The following ESRP2 variants were observed in gnomAD, a reference collection of about 807,000 sequenced individuals.
The protein encoded by ESRP2 is epithelial splicing regulatory protein 2.
Under a neutral mutation model 78.6 loss-of-function variants are expected in ESRP2, and 48 were observed. The ratio of observed to expected loss-of-function variants is 0.61; its 90% CI spans 0.48 to 0.78. ESRP2 has a LOEUF of 0.78. Ranked by LOEUF, ESRP2 falls within the 30% of genes least tolerant of loss-of-function variation. ESRP2 has a pLI of 0.00. For synonymous variants in ESRP2, 383 were observed against 406.7 expected (o/e 0.94, Z 0.70); for missense variants, 863 against 965.9 (o/e 0.89, Z 1.41).
chr16:68,235,955 C>G lies in ESRP2; in HGVS notation c.91G>C (p.Val31Leu). ...CCCGCCGTAGCCCCGAAGAGGACGA[C>G]CAGTGATCCGGGCCAGGGGCAGGGG... ...ADPCPWPGSL[V>L]VLFGATAGAL... Residue 31 changes from valine to leucine, a missense_variant, in exon 1 of 15, where the codon GTC becomes CTC. Val to Leu is a conservative substitution (Grantham distance 32). Coordinates refer to ENST00000473183, the MANE Select transcript of ESRP2 (RefSeq NM_024939.3). This position sits in a 1 kb window ranked among gnomAD's most constrained non-coding sequence, Gnocchi z 5.5. The G allele has an allele frequency of 6.2e-7, 1 of 1,610,806 alleles. No homozygotes were observed. Among genetic ancestry groups the G allele is most frequent in the Non-Finnish European group, 8.5e-7 (1 of 1,179,244 alleles).
intron 4 of ESRP2, 44 bp downstream of exon 4, chr16:68,233,723 AC>A (rs1302800801): frequency 7.1e-7 from 1 of 1,404,234 alleles, no homozygotes; most frequent in African/African-American, 1.4e-5. Flanking sequence ...AGACACATGT[AC>A]CCACAGTGGC....
Position 68,233,846 on chromosome 16 carries a change from C to G in ESRP2, c.478G>C (p.Asp160His), listed in dbSNP as rs1333022820. The change falls in exon 4 of 15, where the codon GAC (aspartate) becomes CAC (histidine). Residue 160 changes from aspartate to histidine, a missense_variant. Coordinates refer to ENST00000473183, the MANE Select transcript of ESRP2 (RefSeq NM_024939.3). ...VLPDMFFSFY[D>H]LRREFHMQHP... ...TGCATATGGAATTCTCTTCGGAGGT[C>G]ATAGAAGGAGAAGAACATGTCGGGG... 1 of 1,613,986 alleles carries G rather than the reference C, an allele frequency of 6.2e-7. No homozygotes were observed. Among genetic ancestry groups the G allele is most frequent in the Non-Finnish European group, 8.5e-7 (1 of 1,180,036 alleles).
Position 68,231,426 on chromosome 16 carries a change from C to T in ESRP2, c.1513-50G>A, listed in dbSNP as rs773515948. The T allele has an allele frequency of 5.0e-6, 8 of 1,613,360 alleles. No individual in the cohort carries two copies. In the African/African-American group the frequency reaches 1.1e-4, roughly 22 times the overall value. On this transcript the variant is annotated intron_variant, in intron 11 of 14. Coordinates refer to ENST00000473183, the MANE Select transcript of ESRP2 (RefSeq NM_024939.3). The surrounding 1 kb of genome is among the most constrained non-coding windows in gnomAD (Gnocchi z 6.0). Reference sequence around the variant, plus strand: ...TTTGTCATGTGTAAGAGTGCCTTACCCCTAACACACACCCCTTCCTATTTA... The same window carrying T: ...TTTGTCATGTGTAAGAGTGCCTTACTCCTAACACACACCCCTTCCTATTTA...
In ESRP2 at chr16:68,233,060, A is replaced by G. The variant is rs1273471072; in HGVS notation, c.656-245T>C. ...CTAAAAATACAAAAATTAGGTGGGC[A>G]TGGTGGCAGGCGCCTATAATCCCAG... On this transcript the variant is annotated intron_variant, in intron 5 of 14. Coordinates refer to ENST00000473183, the MANE Select transcript of ESRP2 (RefSeq NM_024939.3). The G allele has an allele frequency of 8.1e-6, 5 of 620,426 alleles. No homozygotes were observed. The East Asian group carries it at 1.4e-4, about 17-fold the overall frequency. The allele number at this position is 620,426 out of a possible 1,614,324, so 38.4% of individuals were successfully genotyped here. A position where few individuals can be genotyped will look rare whatever the true frequency, so the allele number is the denominator to read the frequency against.
chr16:68,230,340 G>C, intron 14 of ESRP2, 25 bp from the exon 15 acceptor site: 1 of 1,614,176 alleles, frequency 6.2e-7, no homozygotes, highest in South Asian at 1.1e-5. Context: ...CAGATTTAGG[G>C]CAGAGAGCTC....
At chr16:68,230,694 T>A (rs2042119385) in intron 13 of ESRP2, 140 bp from the exon 14 acceptor site, 1 of 1,417,938 alleles carries the variant, frequency 7.1e-7, no homozygotes, top group Non-Finnish European at 9.6e-7. Context: ...TCATTTTCGA[T>A]CTGTTTTGTA....
intron 2 of ESRP2, 165 bp from the exon 3 acceptor site, chr16:68,234,272 C>A: frequency 1.7e-6 from 1 of 605,986 alleles, no homozygotes; most frequent in Non-Finnish European, 2.9e-6. Flanking sequence ...AGCCCTATGT[C>A]CCTTCCCCTC....
Position 68,235,991 on chromosome 16 carries a change from G to C in ESRP2, c.55C>G (p.Pro19Ala). The C allele has an allele frequency of 1.3e-6, 2 of 1,575,746 alleles. No homozygotes were observed. Among genetic ancestry groups the C allele is most frequent in the Non-Finnish European group, 1.7e-6 (2 of 1,163,762 alleles). The change falls in exon 1 of 15, where the codon CCC (proline) becomes GCC (alanine). Residue 19 changes from proline to alanine, a missense_variant. Physicochemically the swap from Pro to Ala is conservative, Grantham distance 27. Coordinates refer to ENST00000473183, the MANE Select transcript of ESRP2 (RefSeq NM_024939.3). The surrounding 1 kb of genome is among the most constrained non-coding windows in gnomAD (Gnocchi z 5.5). ...PPPGPDPAAD[P>A]AADPCPWPGS... ...GGCCAGGGGCAGGGGTCCGCGGCGG[G>C]GTCGGCCGCGGGGTCAGGGCCCGGG...
chr16:68,233,072 G>A lies in ESRP2; in HGVS notation c.655+255C>T, dbSNP rs189941698. 2.6e-3 allele frequency: 1,584 copies of A among 615,026 alleles called. 2 individuals are homozygous for A. Among genetic ancestry groups the A allele is most frequent in the Non-Finnish European group, 3.4e-3 (1,190 of 351,856 alleles). The allele number at this position is 615,026 out of a possible 1,614,324, so 38.1% of individuals were successfully genotyped here. On this transcript the variant is annotated intron_variant, in intron 5 of 14. Coordinates refer to ENST00000473183, the MANE Select transcript of ESRP2 (RefSeq NM_024939.3). ...AAATTAGGTGGGCATGGTGGCAGGC[G>A]CCTATAATCCCAGCTACTCTGGAGG...
chr16:68,231,341 T>A lies in ESRP2; in HGVS notation c.1548A>T (p.Thr516=), dbSNP rs758229055. The A allele has an allele frequency of 3.7e-6, 6 of 1,614,138 alleles. No individual in the cohort carries two copies. In the Admixed American group the frequency reaches 1.0e-4, roughly 27 times the overall value. The change falls in exon 12 of 15, where the codon ACA becomes ACT. Residue 516 remains threonine (T), a synonymous_variant. Coordinates refer to ENST00000473183, the MANE Select transcript of ESRP2 (RefSeq NM_024939.3). The surrounding 1 kb of genome is among the most constrained non-coding windows in gnomAD (Gnocchi z 6.0). The part of the protein sequence containing the change: ...RPSGDAFIQM[T]SAERALAAAQ... ...CAGCAGCTAGGGCTCGCTCTGCTGA[T>A]GTCATCTGAATGAAGGCATCGCCCG...
In ESRP2 at chr16:68,232,478, C is replaced by T. The variant is rs867849364; in HGVS notation, c.847G>A (p.Ala283Thr). 22 of 1,614,152 alleles carry T rather than the reference C, an allele frequency of 1.4e-5. No homozygotes were observed. The highest frequency in any genetic ancestry group is 8.0e-5 in the African/African-American group (6 of 75,060). ...ARGGVALCLN[A>T]QGRRNGEALI... is the part of the protein sequence containing the mutation. ...GCCTCGCCATTTCTGCGGCCCTGGG[C>T]GTTGAGGCAGAGTGCTACACCACCC... The change falls in exon 8 of 15, where the codon GCC (alanine) becomes ACC (threonine). Residue 283 changes from alanine to threonine, a missense_variant. Ala to Thr is a moderately conservative substitution (Grantham distance 58, BLOSUM62 0). Transcript: ENST00000473183. The surrounding 1 kb of genome is among the most constrained non-coding windows in gnomAD (Gnocchi z 5.2).
chr16:68,232,131 C>A lies in ESRP2; in HGVS notation c.998-28G>T, dbSNP rs766807511. The stretch of plus-strand genomic sequence containing the variant: ...GTGTATGAGAGTCGCCTGCTGACTT[C>A]ACTCATGCTCCTCCAGACACTCACC... On this transcript the variant is annotated intron_variant, in intron 9 of 14. Coordinates refer to ENST00000473183, the MANE Select transcript of ESRP2 (RefSeq NM_024939.3). This position sits in a 1 kb window ranked among gnomAD's most constrained non-coding sequence, Gnocchi z 5.2. 6 of 1,609,822 alleles carry A rather than the reference C, an allele frequency of 3.7e-6. No homozygotes were observed. The highest frequency in any genetic ancestry group is 5.1e-6 in the Non-Finnish European group (6 of 1,177,086).
Position 68,229,942 on chromosome 16 carries a change from T to C in ESRP2, c.*284A>G. ...GGCATGGGCCACAGCCAGGACAGACTTAAGGGCTCTCCAGGTGCCAGTCAA... is the reference window on the plus strand; with the variant it reads ...GGCATGGGCCACAGCCAGGACAGACCTAAGGGCTCTCCAGGTGCCAGTCAA... On this transcript the variant is annotated 3_prime_UTR_variant, in exon 15 of 15. Coordinates refer to ENST00000473183, the MANE Select transcript of ESRP2 (RefSeq NM_024939.3). 1 of 498,098 alleles carries C rather than the reference T, an allele frequency of 2.0e-6. No individual in the cohort carries two copies. Among genetic ancestry groups the C allele is most frequent in the Non-Finnish European group, 3.7e-6 (1 of 273,290 alleles). The allele number at this position is 498,098 out of a possible 1,614,324, so 30.9% of individuals were successfully genotyped here.
rs2042215026 is a variant in ESRP2 at position 68,235,619 on chromosome 16, C to G, written c.327+15G>C. The G allele has an allele frequency of 6.3e-7, 1 of 1,596,616 alleles. No homozygotes were observed. Among genetic ancestry groups the G allele is most frequent in the Non-Finnish European group, 8.5e-7 (1 of 1,179,020 alleles). ...CTCACGTCCAGGCCATGCCGCCACC[C>G]ACCCCGGCGCTCACCTGCTGCAGCA... On this transcript the variant is annotated intron_variant, in intron 2 of 14. Coordinates refer to ENST00000473183, the MANE Select transcript of ESRP2 (RefSeq NM_024939.3). The surrounding 1 kb of genome is among the most constrained non-coding windows in gnomAD (Gnocchi z 5.5).
chr16:68,235,787 C>A lies in ESRP2; in HGVS notation c.199-25G>T. The A allele has an allele frequency of 1.2e-6, 2 of 1,608,710 alleles. No individual in the cohort carries two copies. The highest frequency in any genetic ancestry group is 1.1e-5 in the South Asian group (1 of 90,592). On this transcript the variant is annotated intron_variant, in intron 1 of 14. Coordinates refer to ENST00000473183, the MANE Select transcript of ESRP2 (RefSeq NM_024939.3). The surrounding 1 kb of genome is among the most constrained non-coding windows in gnomAD (Gnocchi z 5.5). ...CCTGTGAGCGGCGGGGGAAACCGAT[C>A]AGCCGCGCCCCTCGACCCCGGAAGC...
chr16:68,235,621 C>T lies in ESRP2; in HGVS notation c.327+13G>A. 1 of 1,596,780 alleles carries T rather than the reference C, an allele frequency of 6.3e-7. No homozygotes were observed. Among genetic ancestry groups the T allele is most frequent in the Non-Finnish European group, 8.5e-7 (1 of 1,179,064 alleles). Reference sequence around the variant, plus strand: ...CACGTCCAGGCCATGCCGCCACCCACCCCGGCGCTCACCTGCTGCAGCACC... The same window carrying T: ...CACGTCCAGGCCATGCCGCCACCCATCCCGGCGCTCACCTGCTGCAGCACC... On this transcript the variant is annotated intron_variant, in intron 2 of 14. Coordinates refer to ENST00000473183, the MANE Select transcript of ESRP2 (RefSeq NM_024939.3). This position sits in a 1 kb window ranked among gnomAD's most constrained non-coding sequence, Gnocchi z 5.5.
Position 68,235,190 on chromosome 16 carries a change from C to T in ESRP2, c.327+444G>A. On this transcript the variant is annotated intron_variant, in intron 2 of 14. Transcript: ENST00000473183. This position sits in a 1 kb window ranked among gnomAD's most constrained non-coding sequence, Gnocchi z 5.5. ...ACCTGGCGGCGTCTACCTCTAGGGC[C>T]GACACCGCCCTACGCCTCCGCTCCA... 1.0e-6 allele frequency: 1 copy of T among 985,342 alleles called. No individual in the cohort carries two copies. Among genetic ancestry groups the T allele is most frequent in the Non-Finnish European group, 1.2e-6 (1 of 829,914 alleles). 61.0% of individuals were successfully genotyped at this position (985,342 alleles called of 1,614,324 possible). A position where few individuals can be genotyped will look rare whatever the true frequency, so the allele number is the denominator to read the frequency against.
rs1323115950 is a variant in ESRP2 at position 68,235,827 on chromosome 16, A to G, written c.198+21T>C. ...ACCCCGGAAGCTCCCTGGGGACCTC[A>G]CCGCCTCTTTTCCACCCTACCTGGC... On this transcript the variant is annotated intron_variant, in intron 1 of 14. Coordinates refer to ENST00000473183, the MANE Select transcript of ESRP2 (RefSeq NM_024939.3). This position sits in a 1 kb window ranked among gnomAD's most constrained non-coding sequence, Gnocchi z 5.5. The G allele has an allele frequency of 1.2e-6, 2 of 1,611,010 alleles. No individual in the cohort carries two copies. The highest frequency in any genetic ancestry group is 1.7e-6 in the Non-Finnish European group (2 of 1,179,144).
In ESRP2 at chr16:68,233,844, G is replaced by A; in HGVS notation, c.480C>T (p.Asp160=). The change falls in exon 4 of 15, where the codon GAC becomes GAT. Residue 160 remains aspartate, a synonymous_variant. Transcript: ENST00000473183. ...VLPDMFFSFY[D]LRREFHMQHP... Reference sequence around the variant, plus strand: ...GCTGCATATGGAATTCTCTTCGGAGGTCATAGAAGGAGAAGAACATGTCGG... The same window carrying A: ...GCTGCATATGGAATTCTCTTCGGAGATCATAGAAGGAGAAGAACATGTCGG... 1.9e-6 allele frequency: 3 copies of A among 1,614,118 alleles called. No homozygotes were observed. Among genetic ancestry groups the A allele is most frequent in the Non-Finnish European group, 2.5e-6 (3 of 1,180,018 alleles).
Sources: gnomAD v4.1 joint callset for allele counts on GRCh38, gnomAD v4.1.1 for gene constraint, Gnocchi (gnomAD v3.1) non-coding constraint, MANE v1.5 for transcripts, NCBI Gene and HGNC (gene_info 2026-07-23, HGNC 2026-07-21) for gene names.